PLA2R1: variants seen among roughly 807,000 people sequenced by gnomAD.
The protein encoded by PLA2R1 is secretory phospholipase A2 receptor.
Under a neutral mutation model 195.9 loss-of-function variants are expected in PLA2R1, and 158 were observed. The observed-to-expected ratio is 0.81, with a 90% CI of 0.71 to 0.92. PLA2R1 has a LOEUF of 0.92. PLA2R1 is among the 40% of genes least tolerant of loss of function. The probability of loss-of-function intolerance (pLI) is 0.00; values close to 1 mark genes in which losing one functional copy is unlikely to be tolerated. For synonymous variants in PLA2R1, 586 were observed against 598.2 expected (o/e 0.98, Z 0.30); for missense variants, 1,626 against 1,764.6 (o/e 0.92, Z 1.41).
intron 11 of PLA2R1, among the ~76,000 whole-genome samples, chr2:160,004,384 G>A (rs75820599): frequency 0.032 from 4,822 of 152,270 alleles, 87 homozygotes; most frequent in East Asian, 0.053. Context: ...CTAGAGTTGG[G>A]ATTAGCAAAC....
chr2:159,933,346 C>T lies in PLA2R1; in HGVS notation c.*8432G>A, dbSNP rs1686667262. The stretch of plus-strand genomic sequence containing the variant: ...TTAAATCCAGAATTTCAGATTTAGG[C>T]ACATTTTAAACTTTTTCTCTAAAAA... On this transcript the variant is annotated 3_prime_UTR_variant, in exon 30 of 30. Coordinates refer to ENST00000283243, the MANE Select transcript of PLA2R1 (RefSeq NM_007366.5). 6.6e-6 allele frequency: 1 copy of T among 152,134 alleles called. No individual in the cohort carries two copies. The highest frequency in any genetic ancestry group is 6.5e-5 in the Admixed American group (1 of 15,276). The allele number at this position is 152,134 out of a possible 1,614,324, so 9.4% of individuals were successfully genotyped here.
Position 159,933,518 on chromosome 2 carries a change from C to CT in PLA2R1, c.*8259dup, listed in dbSNP as rs1478804364. On this transcript the variant is annotated 3_prime_UTR_variant, in exon 30 of 30. Coordinates refer to ENST00000283243, the MANE Select transcript of PLA2R1 (RefSeq NM_007366.5). Reference sequence around the variant, plus strand: ...TGACAGAATTAATCAGTCCCCTCTCCTTTTTTTTCTGATTCTCTTCTTCTT... The same window carrying CT: ...TGACAGAATTAATCAGTCCCCTCTCCTTTTTTTTTCTGATTCTCTTCTTCTT... 2.6e-5 allele frequency: 4 copies of CT among 151,900 alleles called. No homozygotes were observed. Among genetic ancestry groups the CT allele is most frequent in the African/African-American group, 7.3e-5 (3 of 41,330 alleles). The allele number at this position is 151,900 out of a possible 1,614,324, so 9.4% of individuals were successfully genotyped here.
chr2:159,953,445 T>C (rs1382056245), intron 23 of PLA2R1, among the ~76,000 whole-genome samples: 1 of 152,266 alleles, frequency 6.6e-6, no homozygotes, highest in African/African-American at 2.4e-5. Flanking sequence ...AGTTGAACAA[T>C]ACTTTCTGGA....
At chr2:160,016,506 A>C in intron 9 of PLA2R1, 108 bp downstream of exon 9, 1 of 673,442 alleles carries the variant, frequency 1.5e-6, no homozygotes, top group Non-Finnish European at 2.7e-6. Flanking sequence ...GAGATGAAAG[A>C]GAGGAGAGAG....
intron 8 of PLA2R1, 138 bp from the exon 9 acceptor site, chr2:160,016,850 A>G: frequency 1.6e-6 from 1 of 606,588 alleles, no homozygotes. Flanking sequence ...CTGCTTTGTC[A>G]CGGAAAGGGT....
Position 159,955,459 on chromosome 2 carries a change from G to A in PLA2R1, c.3154-113C>T, listed in dbSNP as rs573568712. ...TTAAGACACCATTATTCCTTTATTC[G>A]CATTTAATAAACTTATTCACAAGTC... is the stretch of plus-strand genomic sequence containing the variant. On this transcript the variant is annotated intron_variant, in intron 22 of 29. Coordinates refer to ENST00000283243, the MANE Select transcript of PLA2R1 (RefSeq NM_007366.5). 35 of 658,288 alleles carry A rather than the reference G, an allele frequency of 5.3e-5. 1 individual carries two copies. The highest frequency in any genetic ancestry group is 4.1e-4 in the South Asian group (16 of 39,248). 40.8% of individuals were successfully genotyped at this position (658,288 alleles called of 1,614,324 possible).
At chr2:159,977,708 T>C (rs967930770) in intron 14 of PLA2R1, among the ~76,000 whole-genome samples, 6 of 152,014 alleles carry the variant, frequency 3.9e-5, no homozygotes, top group Admixed American at 1.3e-4. Context: ...GAGGCCAAGG[T>C]GGGCAGATCA....
chr2:159,942,226 A>C, intron 28 of PLA2R1, 67 bp from the exon 29 acceptor site: 1 of 1,238,952 alleles, frequency 8.1e-7, no homozygotes, highest in Non-Finnish European at 1.2e-6. Context: ...GTCATTACTT[A>C]CTCAGGGATC....
rs1165569451 is a variant in PLA2R1, at chr2:159,977,393, G to A, written c.2292C>T (p.Asn764=). The change falls in exon 15 of 30, where the codon AAC becomes AAT. Residue 764 remains asparagine, a synonymous_variant. Coordinates refer to ENST00000283243, the MANE Select transcript of PLA2R1 (RefSeq NM_007366.5). Reference sequence around the variant, plus strand: ...TTCTTGCATCTTCTCCAAAATAAGTGTTGTCTAAAAACGAAGAGACAACCT... The same window carrying A: ...TTCTTGCATCTTCTCCAAAATAAGTATTGTCTAAAAACGAAGAGACAACCT... ...RTPVVSSFLD[N]TYFGEDARNC... 3.1e-6 allele frequency: 5 copies of A among 1,612,692 alleles called. No individual in the cohort carries two copies. The highest frequency in any genetic ancestry group is 1.7e-5 in the Admixed American group (1 of 59,974).
intron 24 of PLA2R1, among the ~76,000 whole-genome samples, chr2:159,950,885 C>A (rs1687694163): frequency 1.3e-5 from 2 of 152,128 alleles, no homozygotes; most frequent in South Asian, 4.1e-4. Context: ...AACCACATCC[C>A]TAGAGGAAAA....
intron 11 of PLA2R1, among the ~76,000 whole-genome samples, chr2:159,998,187 T>A (rs1344218865): frequency 6.6e-6 from 1 of 152,150 alleles, no homozygotes; most frequent in Non-Finnish European, 1.5e-5. Flanking sequence ...GGAACCCTAA[T>A]AGGTTAGCAA....
At chr2:159,957,441 G>A (rs2105173627) in intron 20 of PLA2R1, among the ~76,000 whole-genome samples, 1 of 152,106 alleles carries the variant, frequency 6.6e-6, no homozygotes, top group Middle Eastern at 3.4e-3. Flanking sequence ...TGCAACCTCT[G>A]CCTCCTGGGT....
At position 160,045,000 on chromosome 2, in the gene PLA2R1, G is replaced by A; in HGVS notation, c.267C>T (p.Cys89=). Residue 89 remains cysteine, a synonymous_variant, in exon 2 of 30, where the codon TGC becomes TGT. Coordinates refer to ENST00000283243, the MANE Select transcript of PLA2R1 (RefSeq NM_007366.5). Reference sequence around the variant, plus strand: ...CTGGGGCGGAGAAATTCAGGCCCAGGCAACCACTGCCTCCTATGTTAAAGA... The same window carrying A: ...CTGGGGCGGAGAAATTCAGGCCCAGACAACCACTGCCTCCTATGTTAAAGA... ...HGLFNIGGSG[C]LGLNFSAPEQ... 1 of 1,613,992 alleles carries A rather than the reference G, an allele frequency of 6.2e-7. No homozygotes were observed. The highest frequency in any genetic ancestry group is 8.5e-7 in the Non-Finnish European group (1 of 1,179,854).
intron 25 of PLA2R1, 23 bp downstream of exon 25, chr2:159,949,585 G>C (rs1162488234): frequency 1.3e-6 from 2 of 1,573,878 alleles, no homozygotes; most frequent in African/African-American, 2.7e-5. Context: ...GTATATTTTT[G>C]AGTTGAATAG....
rs1687290619 is a variant in PLA2R1 at position 159,944,952 on chromosome 2, T to G, written c.4098A>C (p.Leu1366=). 1.2e-6 allele frequency: 2 copies of G among 1,613,116 alleles called. No homozygotes were observed. The highest frequency in any genetic ancestry group is 1.1e-5 in the South Asian group (1 of 91,032). The part of the protein sequence containing the change: ...ALRIPEGLWQ[L]SPCQEKKGFI... Reference sequence around the variant, plus strand: ...AGCCTTTTTTTTCTTGACACGGGGATAGCTGCCATAATCCTTCAGGGATCC... The same window carrying G: ...AGCCTTTTTTTTCTTGACACGGGGAGAGCTGCCATAATCCTTCAGGGATCC... The change falls in exon 28 of 30, where the codon CTA becomes CTC. Residue 1366 remains leucine (L), a synonymous_variant. Coordinates refer to ENST00000283243, the MANE Select transcript of PLA2R1 (RefSeq NM_007366.5).
At chr2:159,929,996 C>T (rs1421843598), downstream of PLA2R1, among the ~76,000 whole-genome samples, 3 of 151,990 alleles carry the variant, frequency 2.0e-5, no homozygotes, top group African/African-American at 4.8e-5. Context: ...GAAAACCAAA[C>T]GTCGTATGTT....
chr2:160,013,707 C>G (rs1404760271), intron 9 of PLA2R1, among the ~76,000 whole-genome samples: 9,601 of 43,978 alleles, frequency 0.22, 541 homozygotes, highest in East Asian at 0.35. Flanking sequence ...CTCTCTGTCT[C>G]TCTCTCTCTC....
At chr2:160,031,854 C>A in intron 4 of PLA2R1, among the ~76,000 whole-genome samples, 1 of 152,228 alleles carries the variant, frequency 6.6e-6, no homozygotes, top group East Asian at 1.9e-4. Flanking sequence ...GCATCCTCCA[C>A]CTCCCAGGTT....
At chr2:160,024,980 G>A (rs555481256) in intron 6 of PLA2R1, among the ~76,000 whole-genome samples, 11 of 152,228 alleles carry the variant, frequency 7.2e-5, no homozygotes, top group Non-Finnish European at 1.5e-4. Context: ...CCAGGGTCCG[G>A]AGTCACCACT....
Sources: gnomAD v4.1 joint callset for allele counts (sites outside exome capture counted in the v4.1 genomes callset) on GRCh38, gnomAD v4.1.1 for gene constraint, MANE v1.5 for transcripts, NCBI Gene and HGNC (gene_info 2026-07-23, HGNC 2026-07-21) for gene names.